The following HMGCLL1 variants were observed in gnomAD, a reference collection of about 807,000 sequenced individuals.
The protein encoded by HMGCLL1 is 3-hydroxy-3-methylglutaryl-CoA lyase like 1, also known as 3-hydroxymethyl-3-methylglutaryl-CoA lyase, cytoplasmic.
Under a neutral mutation model 39.1 loss-of-function variants are expected in HMGCLL1, and 36 were observed. The observed-to-expected ratio is 0.92, with a 90% CI of 0.71 to 1.22. The LOEUF (loss-of-function observed/expected upper bound fraction) is 1.22. Among genes scored for constraint, HMGCLL1 ranks in the 50% most tolerant of loss-of-function variants. The pLI is 0.00. For synonymous variants in HMGCLL1, 149 were observed against 144.0 expected (o/e 1.03, Z -0.25); for missense variants, 451 against 416.5 (o/e 1.08, Z -0.72).
chr6:55,626,131 T>C, the HMGCLL1 span, among the ~76,000 whole-genome samples: 4 of 152,206 alleles, frequency 2.6e-5, no homozygotes, highest in South Asian at 8.3e-4. Context: ...CTTGGGGTGA[T>C]CAGCCAGCTA....
intron 7 of HMGCLL1, among the ~76,000 whole-genome samples, chr6:55,440,858 T>G (rs1423125887): frequency 2.0e-5 from 3 of 152,152 alleles, no homozygotes; most frequent in Non-Finnish European, 4.4e-5. Context: ...CTTCCTGCCT[T>G]CCTTCCCTTC....
At chr6:55,656,169 T>C in the HMGCLL1 span, among the ~76,000 whole-genome samples, 13 of 152,106 alleles carry the variant, frequency 8.5e-5, no homozygotes, top group South Asian at 2.7e-3. Context: ...TTTCCAAAGA[T>C]GTCCCTCCTA....
At chr6:55,523,597 C>A (rs1431054077) in intron 3 of HMGCLL1, among the ~76,000 whole-genome samples, 1 of 151,906 alleles carries the variant, frequency 6.6e-6, no homozygotes, top group East Asian at 1.9e-4. Flanking sequence ...AATTGCTGCA[C>A]TCTTTCAGAA....
rs546915010 is a variant in HMGCLL1 at position 55,486,754 on chromosome 6, T to C, written c.795+8665A>G. Among the ~76,000 whole-genome samples, 9 of 152,228 alleles carry C rather than the reference T, an allele frequency of 5.9e-5. No individual in the cohort carries two copies. The South Asian group carries it at 1.7e-3, about 28-fold the overall frequency. On this transcript the variant is annotated intron_variant, in intron 7 of 8. Coordinates refer to ENST00000274901, the MANE Select transcript of HMGCLL1 (RefSeq NM_001042406.2). ...CACCTTATCTCCCCCCTTGTCAGTT[T>C]GGGCTGCTATAACAAAGTACCATAA... is the stretch of plus-strand genomic sequence containing the variant.
At chr6:55,506,651 C>T (rs752944870) in intron 5 of HMGCLL1, among the ~76,000 whole-genome samples, 7 of 151,646 alleles carry the variant, frequency 4.6e-5, no homozygotes, top group Non-Finnish European at 8.9e-5. Flanking sequence ...GCACCCATCC[C>T]ATTAGTCACT....
chr6:55,636,183 A>T, the HMGCLL1 span, among the ~76,000 whole-genome samples: 1 of 152,180 alleles, frequency 6.6e-6, no homozygotes, highest in African/African-American at 2.4e-5. Flanking sequence ...AGACCACCTC[A>T]AAAGGGAATA....
chr6:55,657,169 A>G, the HMGCLL1 span, among the ~76,000 whole-genome samples: 2 of 152,046 alleles, frequency 1.3e-5, no homozygotes, highest in East Asian at 3.9e-4. Flanking sequence ...CTCTGTTCAT[A>G]GTTTCTTTTG....
At chr6:55,500,624 G>C (rs756571855) in intron 5 of HMGCLL1, among the ~76,000 whole-genome samples, 2 of 151,858 alleles carry the variant, frequency 1.3e-5, no homozygotes, top group Non-Finnish European at 2.9e-5. Context: ...GGATAAAAGA[G>C]GATAAATTCA....
chr6:55,582,737 C>T (rs963306066), upstream of HMGCLL1, among the ~76,000 whole-genome samples: 18 of 151,996 alleles, frequency 1.2e-4, no homozygotes, highest in African/African-American at 4.1e-4. Flanking sequence ...ATTCTAGAAA[C>T]ATTTTAATAC....
chr6:55,489,437 A>G (rs1410660433), intron 7 of HMGCLL1, among the ~76,000 whole-genome samples: 1 of 151,938 alleles, frequency 6.6e-6, no homozygotes, highest in Non-Finnish European at 1.5e-5. Context: ...TTCTGGCCTC[A>G]ATTCTTACTA....
the HMGCLL1 span, among the ~76,000 whole-genome samples, chr6:55,668,497 C>T: frequency 6.6e-6 from 1 of 151,874 alleles, no homozygotes; most frequent in Non-Finnish European, 1.5e-5. Context: ...ATCTCTCTCA[C>T]TTTACGTAAC....
intron 3 of HMGCLL1, among the ~76,000 whole-genome samples, chr6:55,532,808 ATAATAATAAT>A (rs1561941662): frequency 7.8e-3 from 10 of 1,278 alleles, no homozygotes; most frequent in South Asian, 0.026. Flanking sequence ...CTCAAACATA[ATAATAATAAT>A]AATAATAATA....
intron 5 of HMGCLL1, among the ~76,000 whole-genome samples, chr6:55,501,846 T>C (rs1479469720): frequency 6.6e-6 from 1 of 151,824 alleles, no homozygotes; most frequent in Non-Finnish European, 1.5e-5. Flanking sequence ...GTGTAAAAAG[T>C]TATATTACAT....
the HMGCLL1 span, among the ~76,000 whole-genome samples, chr6:55,609,483 T>C: frequency 6.6e-6 from 1 of 152,038 alleles, no homozygotes; most frequent in Non-Finnish European, 1.5e-5. Flanking sequence ...AAGCAGGAAC[T>C]CCAACAACTC....
intron 1 of HMGCLL1, among the ~76,000 whole-genome samples, chr6:55,543,193 A>ATTATATATTATAT (rs1365963065): frequency 8.7e-5 from 1 of 11,542 alleles, no homozygotes; most frequent in Non-Finnish European, 1.8e-4. Context: ...TATATAATAT[A>ATTATATATTATAT]TTATATATTA....
At chr6:55,507,298 G>C (rs116733762) in intron 5 of HMGCLL1, among the ~76,000 whole-genome samples, 1 of 151,592 alleles carries the variant, frequency 6.6e-6, no homozygotes, top group African/African-American at 2.4e-5. Context: ...TAATACTATC[G>C]ACAGTTTCAG....
At chr6:55,672,440 T>A in the HMGCLL1 span, among the ~76,000 whole-genome samples, 1 of 151,830 alleles carries the variant, frequency 6.6e-6, no homozygotes, top group African/African-American at 2.4e-5. Flanking sequence ...TCACCGTTTA[T>A]AGCTATATCT....
chr6:55,624,144 AT>A, the HMGCLL1 span, among the ~76,000 whole-genome samples: 2 of 152,292 alleles, frequency 1.3e-5, no homozygotes, highest in East Asian at 3.9e-4. Context: ...GCAATATTGC[AT>A]CCCTATAGGA....
At chr6:55,652,516 A>G in the HMGCLL1 span, among the ~76,000 whole-genome samples, 1 of 152,138 alleles carries the variant, frequency 6.6e-6, no homozygotes, top group African/African-American at 2.4e-5. Context: ...TAGAGAATAG[A>G]ATGTTCTCCA....
Sources: allele counts gnomAD v4.1 joint callset (sites outside exome capture counted in the v4.1 genomes callset), GRCh38; gene constraint gnomAD v4.1.1; transcripts MANE v1.5; gene names NCBI Gene and HGNC (gene_info 2026-07-23, HGNC 2026-07-21).